Variants in SGSH observed in about 807,000 individuals in gnomAD.
The protein encoded by SGSH is heparan sulfate sulfatase.
Under a neutral mutation model 51.0 loss-of-function variants are expected in SGSH, and 48 were observed. The observed-to-expected ratio is 0.94, with a 90% CI of 0.75 to 1.20. SGSH has a LOEUF of 1.20. SGSH is among the 50% of genes most tolerant of loss of function. SGSH has a pLI of 0.00. For synonymous variants in SGSH, 321 were observed against 313.4 expected (o/e 1.02, Z -0.26); for missense variants, 662 against 717.8 (o/e 0.92, Z 0.89).
intron 4 of SGSH, 35 bp from the exon 5 acceptor site, chr17:80,214,363 G>A: frequency 6.2e-7 from 1 of 1,603,150 alleles, no homozygotes; most frequent in Non-Finnish European, 8.5e-7. Flanking sequence ...AAGGCTGCGG[G>A]GCCACTGCCA....
chr17:80,214,725 G>A lies in SGSH; in HGVS notation c.396C>T (p.Tyr132=). ...CCTCCGTGTACGCAAAGTCAAACGG[G>A]TACACGGTCTCCGGCCCCACGTGCT... ...GKKHVGPETV[Y]PFDFAYTEEN... Residue 132 remains tyrosine (Y), a synonymous_variant, in exon 4 of 8, where the codon TAC becomes TAT. Coordinates refer to ENST00000326317, the MANE Select transcript of SGSH (RefSeq NM_000199.5). The A allele has an allele frequency of 6.2e-7, 1 of 1,613,086 alleles. No homozygotes were observed. Among genetic ancestry groups the A allele is most frequent in the Non-Finnish European group, 8.5e-7 (1 of 1,180,002 alleles).
At position 80,209,987 on chromosome 17, in the gene SGSH, GC is replaced by G. The variant is rs1459536045; in HGVS notation, c.*464del. 2 of 1,035,294 alleles carry G rather than the reference GC, an allele frequency of 1.9e-6. No individual in the cohort carries two copies. Among genetic ancestry groups the G allele is most frequent in the East Asian group, 1.6e-4 (2 of 12,454 alleles). The allele number at this position is 1,035,294 out of a possible 1,614,324, so 64.1% of individuals were successfully genotyped here. A position where few individuals can be genotyped will look rare whatever the true frequency, so the allele number is the denominator to read the frequency against. ...TGAGTGTCGGTGGGACCTGCGTACTGCCCACGCGGCACCGAAGCCCCTGCCT... is the reference window on the plus strand; with the variant it reads ...TGAGTGTCGGTGGGACCTGCGTACTGCCACGCGGCACCGAAGCCCCTGCCT... On this transcript the variant is annotated 3_prime_UTR_variant, in exon 8 of 8. Transcript: ENST00000326317.
At chr17:80,211,840 C>A in intron 7 of SGSH, 1 of 587,218 alleles carries the variant, frequency 1.7e-6, no homozygotes, top group Admixed American at 2.9e-5. Flanking sequence ...GCAGCAGGAT[C>A]CAGGCGAGAA....
rs2041688460 is a variant in SGSH at position 80,212,061 on chromosome 17, A to T, written c.949+10T>A. ...CACACCTTTCCTGACGGAGACAGAC[A>T]AAGGCATACCTAGGAGGCTCACGTA... On this transcript the variant is annotated intron_variant, in intron 7 of 7. Coordinates refer to ENST00000326317, the MANE Select transcript of SGSH (RefSeq NM_000199.5). This position sits in a 1 kb window ranked among gnomAD's most constrained non-coding sequence, Gnocchi z 5.9. The T allele has an allele frequency of 6.2e-7, 1 of 1,612,328 alleles. No individual in the cohort carries two copies. Among genetic ancestry groups the T allele is most frequent in the East Asian group, 2.2e-5 (1 of 44,872 alleles).
chr17:80,214,400 GCCT>G (rs1335400734), intron 4 of SGSH, 72 bp from the exon 5 acceptor site: 3 of 1,528,124 alleles, frequency 2.0e-6, no homozygotes, highest in Non-Finnish European at 2.7e-6. Context: ...CCTCGGCTCT[GCCT>G]CCTCCTCTGT....
At position 80,215,146 on chromosome 17, in the gene SGSH, C is replaced by A. The variant is rs1043560351; in HGVS notation, c.250-8G>T. 7.5e-6 allele frequency: 12 copies of A among 1,608,096 alleles called. No individual in the cohort carries two copies. The highest frequency in any genetic ancestry group is 1.7e-4 in the Middle Eastern group (1 of 6,060). On this transcript the variant is annotated splice_polypyrimidine_tract_variant and splice_region_variant and intron_variant, in intron 2 of 7. Coordinates refer to ENST00000326317, the MANE Select transcript of SGSH (RefSeq NM_000199.5). ...GTACATCCCATTCTGATGCTGCCAGCAAAGGCGCATGAGGTCCGGGGCCCC... is the reference window on the plus strand; with the variant it reads ...GTACATCCCATTCTGATGCTGCCAGAAAAGGCGCATGAGGTCCGGGGCCCC...
chr17:80,210,476 G>A lies in SGSH; in HGVS notation c.1485C>T (p.Cys495=), dbSNP rs2041591956. The A allele has an allele frequency of 1.3e-6, 2 of 1,599,780 alleles. No individual in the cohort carries two copies. The highest frequency in any genetic ancestry group is 8.5e-7 in the Non-Finnish European group (1 of 1,178,230). ...GVLEEKLSPQ[C]QPLHNEL The stretch of plus-strand genomic sequence containing the variant: ...GTCACAGCTCATTGTGGAGGGGCTG[G>A]CACTGGGGAGAGAGCTTCTCCTCCA... The change falls in exon 8 of 8, where the codon TGC becomes TGT. Residue 495 remains cysteine, a synonymous_variant. Coordinates refer to ENST00000326317, the MANE Select transcript of SGSH (RefSeq NM_000199.5).
intron 3 of SGSH, 100 bp downstream of exon 3, chr17:80,214,932 CG>C: frequency 7.7e-7 from 1 of 1,299,424 alleles, no homozygotes; most frequent in Non-Finnish European, 1.1e-6. Context: ...GGGCAGGCCA[CG>C]GGGGCTGAGC....
At chr17:80,219,317 C>T (rs916084868) in intron 1 of SGSH, among the ~76,000 whole-genome samples, 11 of 152,296 alleles carry the variant, frequency 7.2e-5, no homozygotes, top group African/African-American at 2.2e-4. Context: ...CAAGCTGGCA[C>T]CCTGACCTTG....
At chr17:80,206,105 T>G (rs2041288441), downstream of SGSH, among the ~76,000 whole-genome samples, 1 of 152,100 alleles carries the variant, frequency 6.6e-6, no homozygotes, top group Non-Finnish European at 1.5e-5. Context: ...AATTTCTAGA[T>G]TTTCCCAGTG....
intron 1 of SGSH, 134 bp downstream of exon 1, chr17:80,220,092 C>T (rs111895123): frequency 1.6e-6 from 1 of 614,628 alleles, no homozygotes; most frequent in African/African-American, 1.9e-5. Flanking sequence ...GAGAGGAGGA[C>T]GAGAGGGAAT....
Position 80,213,764 on chromosome 17 carries a change from G to T in SGSH, c.745+40C>A. 1 of 1,543,246 alleles carries T rather than the reference G, an allele frequency of 6.5e-7. No individual in the cohort carries two copies. On this transcript the variant is annotated intron_variant, in intron 6 of 7. Coordinates refer to ENST00000326317, the MANE Select transcript of SGSH (RefSeq NM_000199.5). This position sits in a 1 kb window ranked among gnomAD's most constrained non-coding sequence, Gnocchi z 4.6. ...CGCTGGCCCAGGATGGGGGACCCCG[G>T]CCGTGGCACCCCCTCCAGTGCCCGG...
chr17:80,201,637 C>T, the SGSH span: 49 of 1,194,170 alleles, frequency 4.1e-5, no homozygotes, highest in Middle Eastern at 1.9e-4. This position sits in a 1 kb window ranked among gnomAD's most constrained non-coding sequence, Gnocchi z 5.0. Flanking sequence ...AGTGGTCCTA[C>T]GGCAGGGCTG....
chr17:80,204,231 C>T, downstream of SGSH: 1 of 1,588,394 alleles, frequency 6.3e-7, no homozygotes, highest in South Asian at 1.1e-5. Context: ...CTTTAGCCAT[C>T]TTCTGGGGGA....
intron 1 of SGSH, 22 bp from the exon 2 acceptor site, chr17:80,217,214 G>C (rs534781294): frequency 4.8e-5 from 77 of 1,591,974 alleles, no homozygotes; most frequent in Non-Finnish European, 6.4e-5. Flanking sequence ...GGGAGACAGA[G>C]AGTGCACGGT....
downstream of SGSH, chr17:80,202,760 C>T: frequency 2.6e-6 from 1 of 385,914 alleles, no homozygotes; most frequent in Non-Finnish European, 4.2e-6. Flanking sequence ...CCCTGGCCGC[C>T]CTACCCAGGA....
Position 80,213,824 on chromosome 17 carries a change from G to A in SGSH, c.725C>T (p.Thr242Ile). 3 of 1,607,190 alleles carry A rather than the reference G, an allele frequency of 1.9e-6. No individual in the cohort carries two copies. Among genetic ancestry groups the A allele is most frequent in the Non-Finnish European group, 2.5e-6 (3 of 1,178,828 alleles). The part of the protein sequence containing the change: ...ARADLAAQYT[T>I]VGRMDQGVGL... ...CCCACCTTGGTCCATGCGGCCGACG[G>A]TGGTGTACTGAGCGGCCAGGTCGGC... Residue 242 changes from threonine to isoleucine, a missense_variant, in exon 6 of 8, where the codon ACC (threonine) becomes ATC (isoleucine). Coordinates refer to ENST00000326317, the MANE Select transcript of SGSH (RefSeq NM_000199.5). The surrounding 1 kb of genome is among the most constrained non-coding windows in gnomAD (Gnocchi z 4.6).
downstream of SGSH, chr17:80,201,747 G>A (rs748831841): frequency 6.2e-7 from 1 of 1,613,912 alleles, no homozygotes; most frequent in Non-Finnish European, 8.5e-7. This position sits in a 1 kb window ranked among gnomAD's most constrained non-coding sequence, Gnocchi z 5.0. Flanking sequence ...CCCTCAGGTT[G>A]ATTACGAAGC....
In SGSH at chr17:80,210,657, C is replaced by A. The variant is rs370528435; in HGVS notation, c.1304G>T (p.Arg435Leu). 5.6e-6 allele frequency: 9 copies of A among 1,613,890 alleles called. No individual in the cohort carries two copies. In the East Asian group the frequency reaches 1.8e-4, roughly 32 times the overall value. ...CCGGCTCCGGTCGTAGAGCTCCCAG[C>A]GCGCCCGGTAGTAGTAATGACGGAG... ...KDLRHYYYRA[R>L]WELYDRSRDP... Residue 435 changes from arginine to leucine, a missense_variant, in exon 8 of 8, where the codon CGC becomes CTC. Transcript: ENST00000326317.
Sources: gnomAD v4.1 joint callset for allele counts (sites outside exome capture counted in the v4.1 genomes callset) on GRCh38, gnomAD v4.1.1 for gene constraint, Gnocchi (gnomAD v3.1) non-coding constraint, MANE v1.5 for transcripts, NCBI Gene and HGNC (gene_info 2026-07-23, HGNC 2026-07-21) for gene names.